Variants in WWOX observed in about 807,000 individuals in gnomAD.
WWOX encodes the protein WW domain containing oxidoreductase, also known as WW domain-containing oxidoreductase.
WWOX carries 69 observed loss-of-function variants against 46.2 expected under a neutral mutation model. The observed-to-expected ratio is 1.49, with a 90% CI of 1.23 to 1.82. The LOEUF is 1.82. WWOX is among the 40% of genes most tolerant of loss of function. WWOX has a pLI of 0.00. For missense variants in WWOX, 919 were observed against 542.6 expected, an observed-to-expected ratio of 1.69 and a Z score of -6.89; for synonymous variants, 359 against 202.6, an observed-to-expected ratio of 1.77 and a Z score of -6.56.
intron 8 of WWOX, among the ~76,000 whole-genome samples, chr16:78,673,658 C>T (rs909817851): frequency 1.3e-5 from 2 of 152,146 alleles, no homozygotes; most frequent in African/African-American, 2.4e-5. Flanking sequence ...AAATTTGGAG[C>T]CACCATTACG....
intron 5 of WWOX, among the ~76,000 whole-genome samples, chr16:78,274,022 T>C (rs2079533106): frequency 6.6e-6 from 1 of 152,208 alleles, no homozygotes; most frequent in Non-Finnish European, 1.5e-5. Flanking sequence ...TTAAAGAGTC[T>C]GCTTCTCTTC....
At position 78,885,046 on chromosome 16, in the gene WWOX, T is replaced by C. The variant is rs36053700; in HGVS notation, c.1057-326562T>C. ...CTTCCACTGTGCAGTGTTTCGTTCT[T>C]AACCAACATGGCACCCCAGGTTCAG... On this transcript the variant is annotated intron_variant, in intron 8 of 8. Coordinates refer to ENST00000566780, the MANE Select transcript of WWOX (RefSeq NM_016373.4). Among the ~76,000 whole-genome samples, 1,235 of 152,306 alleles carry C rather than the reference T, an allele frequency of 8.1e-3. 12 individuals are homozygous for C. The highest frequency in any genetic ancestry group is 0.024 in the Middle Eastern group (7 of 294).
intron 8 of WWOX, among the ~76,000 whole-genome samples, chr16:78,626,163 C>A (rs949614683): frequency 1.3e-5 from 2 of 151,502 alleles, no homozygotes; most frequent in African/African-American, 4.9e-5. Context: ...TGGAGTCTGG[C>A]TCTTTTGCCC....
chr16:78,536,565 G>T (rs2043764371), intron 8 of WWOX, among the ~76,000 whole-genome samples: 1 of 152,104 alleles, frequency 6.6e-6, no homozygotes, highest in Non-Finnish European at 1.5e-5. Context: ...ATATCCCAGT[G>T]TATATGGTAG....
chr16:79,134,778 C>T (rs1237008633), intron 8 of WWOX, among the ~76,000 whole-genome samples: 3 of 152,160 alleles, frequency 2.0e-5, no homozygotes, highest in African/African-American at 7.2e-5. Flanking sequence ...TTTAGAAATC[C>T]ACCCAGGGAT....
intron 5 of WWOX, among the ~76,000 whole-genome samples, chr16:78,271,742 G>T (rs2079480990): frequency 6.6e-6 from 1 of 152,210 alleles, no homozygotes; most frequent in Admixed American, 6.5e-5. Context: ...ACTCTGCCCA[G>T]CGAGGGCGTT....
intron 8 of WWOX, among the ~76,000 whole-genome samples, chr16:79,095,754 A>T (rs1407575177): frequency 6.6e-6 from 1 of 151,924 alleles, no homozygotes; most frequent in African/African-American, 2.4e-5. Flanking sequence ...CAAGGGACAA[A>T]CCTCACAAAT....
intron 8 of WWOX, among the ~76,000 whole-genome samples, chr16:78,448,058 C>G (rs987699974): frequency 1.3e-5 from 2 of 152,144 alleles, no homozygotes; most frequent in Non-Finnish European, 2.9e-5. Context: ...CCTGCCTCAG[C>G]CTCCCGATGT....
At chr16:78,799,160 G>A (rs1280587179) in intron 8 of WWOX, among the ~76,000 whole-genome samples, 1 of 152,136 alleles carries the variant, frequency 6.6e-6, no homozygotes, top group Non-Finnish European at 1.5e-5. Context: ...AGGCTATTAT[G>A]TGAAGTTAGG....
intron 5 of WWOX, among the ~76,000 whole-genome samples, chr16:78,192,443 G>A (rs2035911825): frequency 7.5e-6 from 1 of 132,682 alleles, no homozygotes; most frequent in Non-Finnish European, 1.5e-5. Context: ...AGTGAGCCGA[G>A]ATCGCACCAC....
At chr16:78,839,575 A>G (rs2052083348) in intron 8 of WWOX, among the ~76,000 whole-genome samples, 1 of 152,176 alleles carries the variant, frequency 6.6e-6, no homozygotes, top group Admixed American at 6.5e-5. Context: ...ACTTATGTCT[A>G]TGAAATGAAC....
chr16:78,807,310 A>G (rs2051067723), intron 8 of WWOX, among the ~76,000 whole-genome samples: 1 of 152,258 alleles, frequency 6.6e-6, no homozygotes. Context: ...AAAATACTTA[A>G]AAGTGTTTAC....
At chr16:78,524,857 TTTTC>T (rs1383827700) in intron 8 of WWOX, among the ~76,000 whole-genome samples, 3 of 149,290 alleles carry the variant, frequency 2.0e-5, no homozygotes, top group South Asian at 4.2e-4. Flanking sequence ...TTGATTTTGT[TTTTC>T]TTTCTTTTTT....
intron 8 of WWOX, among the ~76,000 whole-genome samples, chr16:79,116,819 T>A (rs1254231284): frequency 6.6e-6 from 1 of 151,992 alleles, no homozygotes; most frequent in African/African-American, 2.4e-5. Flanking sequence ...TCTAGAAGAT[T>A]TTCAATTTAC....
intron 5 of WWOX, among the ~76,000 whole-genome samples, chr16:78,368,638 G>A (rs1462227691): frequency 6.6e-6 from 1 of 152,210 alleles, no homozygotes; most frequent in Non-Finnish European, 1.5e-5. Flanking sequence ...TAACATGCAT[G>A]CCATCGTGAA....
intron 8 of WWOX, among the ~76,000 whole-genome samples, chr16:78,697,471 C>A (rs527483993): frequency 1.3e-5 from 2 of 152,076 alleles, no homozygotes; most frequent in East Asian, 1.9e-4. Context: ...ACAGACAACC[C>A]GCAGAGTGGG....
chr16:78,432,056 G>T (rs7200133), intron 7 of WWOX, among the ~76,000 whole-genome samples: 7,002 of 151,868 alleles, frequency 0.046, 518 homozygotes, highest in African/African-American at 0.16. Flanking sequence ...ATCTTGAAAG[G>T]AGACTTTGTT....
intron 8 of WWOX, among the ~76,000 whole-genome samples, chr16:78,853,354 A>T (rs2052494116): frequency 6.6e-6 from 1 of 152,116 alleles, no homozygotes; most frequent in Non-Finnish European, 1.5e-5. Context: ...CTGGGATTAC[A>T]GGCGCATGCC....
At chr16:78,854,931 C>G (rs1206465187) in intron 8 of WWOX, among the ~76,000 whole-genome samples, 3 of 144,510 alleles carry the variant, frequency 2.1e-5, no homozygotes, top group Non-Finnish European at 3.0e-5. Context: ...TTTAACAAAA[C>G]TTTAAAATGG....
Sources: allele counts gnomAD v4.1 joint callset (sites outside exome capture counted in the v4.1 genomes callset), GRCh38; gene constraint gnomAD v4.1.1; transcripts MANE v1.5; gene names NCBI Gene and HGNC (gene_info 2026-07-23, HGNC 2026-07-21).